RIN2: variants seen among roughly 807,000 people sequenced by gnomAD.
RIN2 encodes Ras and Rab interactor 2.
In RIN2, 36 loss-of-function variants were observed where a neutral mutation model predicts 78.0. That is an observed-to-expected ratio of 0.46 (90% CI 0.35 to 0.61). The LOEUF (loss-of-function observed/expected upper bound fraction) is 0.61. Among genes scored for constraint, RIN2 ranks in the 20% least tolerant of loss-of-function variants. The pLI is 0.00. For missense variants in RIN2, 1,087 were observed against 1,159.7 expected (o/e 0.94, Z 0.91); for synonymous variants, 466 against 466.8 (o/e 1.00, Z 0.02).
chr20:19,974,961 G>A lies in RIN2; in HGVS notation c.936G>A (p.Pro312=). Residue 312 remains proline (P), a synonymous_variant, in exon 9 of 13, where the codon CCG becomes CCA. Coordinates refer to ENST00000255006, the MANE Select transcript of RIN2 (RefSeq NM_018993.4). Reference sequence around the variant, plus strand: ...CTCGGTCCCCCCCACCCAGGCCCCCGCCACCCGCTATTAATAGTCTCCACA... The same window carrying A: ...CTCGGTCCCCCCCACCCAGGCCCCCACCACCCGCTATTAATAGTCTCCACA... ...ERTRSPPPRP[P]PPAINSLHTS... 7 of 476,100 alleles carry A rather than the reference G, an allele frequency of 1.5e-5. No homozygotes were observed. The highest frequency in any genetic ancestry group is 2.2e-5 in the Non-Finnish European group (7 of 315,062). The allele number at this position is 476,100 out of a possible 1,614,324, so 29.5% of individuals were successfully genotyped here. A position where few individuals can be genotyped will look rare whatever the true frequency, so the allele number is the denominator to read the frequency against.
intron 4 of RIN2, among the ~76,000 whole-genome samples, chr20:19,939,054 T>C (rs1464660919): frequency 6.6e-6 from 1 of 152,210 alleles, no homozygotes; most frequent in Non-Finnish European, 1.5e-5. Flanking sequence ...ACCTTTTATT[T>C]TTCTTTGAGA....
intron 2 of RIN2, among the ~76,000 whole-genome samples, chr20:19,871,558 C>T (rs1378657826): frequency 6.6e-6 from 1 of 152,192 alleles, no homozygotes; most frequent in Non-Finnish European, 1.5e-5. Flanking sequence ...TTTCCTCTTC[C>T]TCAGACTGCC....
At chr20:19,914,036 A>G (rs1486212040) in intron 3 of RIN2, among the ~76,000 whole-genome samples, 1 of 152,212 alleles carries the variant, frequency 6.6e-6, no homozygotes, top group Admixed American at 6.5e-5. Context: ...TTGAATCTGA[A>G]TTTTGTGAAA....
chr20:19,973,454 G>C (rs2042169298), intron 8 of RIN2, among the ~76,000 whole-genome samples: 1 of 152,178 alleles, frequency 6.6e-6, no homozygotes, highest in African/African-American at 2.4e-5. Context: ...CTGGGCCCAT[G>C]GGAAAGAAAG....
rs2041720318 is a variant in RIN2, at chr20:19,960,810, C to T, written c.462C>T (p.Tyr154=). ...AATTTGCCATAAAGGAAAGCACATA[C>T]AGTAAGTGGTCATTGGATGCTCAGG... is the stretch of plus-strand genomic sequence containing the variant. The part of the protein sequence containing the change: ...LKEFAIKEST[Y]TFSLEGSGIS... The change falls in exon 6 of 13, where the codon TAC becomes TAT. Residue 154 remains tyrosine (Y), a splice_region_variant and synonymous_variant. Transcript: ENST00000255006. 1.3e-6 allele frequency: 2 copies of T among 1,576,116 alleles called. No individual in the cohort carries two copies. The highest frequency in any genetic ancestry group is 1.2e-5 in the South Asian group (1 of 86,412).
At chr20:19,999,129 C>T (rs2281357) in intron 12 of RIN2, among the ~76,000 whole-genome samples, 1 of 152,010 alleles carries the variant, frequency 6.6e-6, no homozygotes, top group East Asian at 1.9e-4. Flanking sequence ...GAGGTCTTCT[C>T]ACATGGGAAG....
chr20:19,892,567 CTTCT>C (rs1349503485), intron 3 of RIN2, among the ~76,000 whole-genome samples: 1 of 113,896 alleles, frequency 8.8e-6, no homozygotes, highest in Non-Finnish European at 1.8e-5. Context: ...TTACTTTATA[CTTCT>C]TTCTTTCCTC....
chr20:19,922,905 C>T (rs557087110), intron 3 of RIN2, among the ~76,000 whole-genome samples: 3 of 152,328 alleles, frequency 2.0e-5, no homozygotes, highest in African/African-American at 7.2e-5. Flanking sequence ...TCAGCCCTCC[C>T]CCCACCAGCA....
chr20:19,908,502 A>AAAAAAG (rs1555788671), intron 3 of RIN2, among the ~76,000 whole-genome samples: 3 of 151,168 alleles, frequency 2.0e-5, no homozygotes, highest in African/African-American at 7.4e-5. Context: ...AAAAAAAAAA[A>AAAAAAG]AAAGAAAGAA....
intron 2 of RIN2, among the ~76,000 whole-genome samples, chr20:19,842,285 C>T (rs910936092): frequency 1.0e-4 from 15 of 148,942 alleles, no homozygotes; most frequent in African/African-American, 3.4e-4. Flanking sequence ...TGTAGTGGTG[C>T]GATCTTGGCT....
In RIN2 at chr20:19,829,221, T is replaced by C. The variant is rs575240006; in HGVS notation, c.-37+29474T>C. On this transcript the variant is annotated intron_variant, in intron 2 of 12. Transcript: ENST00000255006. ...AGCATTTTCCTGGCAGATCTACTCA[T>C]GACAGACATCCCAGGAAGACAGAAG... Among the ~76,000 whole-genome samples, 8 of 152,278 alleles carry C rather than the reference T, an allele frequency of 5.3e-5. No individual in the cohort carries two copies. In the South Asian group the frequency reaches 1.7e-3, roughly 32 times the overall value.
At chr20:19,910,988 C>T (rs991381401) in intron 3 of RIN2, among the ~76,000 whole-genome samples, 1 of 152,164 alleles carries the variant, frequency 6.6e-6, no homozygotes, top group Non-Finnish European at 1.5e-5. Flanking sequence ...CATTTCACTG[C>T]CCTTGCTCTG....
At chr20:19,932,662 A>C (rs1362693122) in intron 3 of RIN2, among the ~76,000 whole-genome samples, 2 of 152,078 alleles carry the variant, frequency 1.3e-5, no homozygotes, top group African/African-American at 4.8e-5. Flanking sequence ...GTCCAGAGCT[A>C]TCTGCTGGGC....
At chr20:19,808,471 G>GC (rs2035481964) in intron 2 of RIN2, among the ~76,000 whole-genome samples, 2 of 152,348 alleles carry the variant, frequency 1.3e-5, no homozygotes, top group Admixed American at 6.5e-5. Context: ...GCTCGGGTCT[G>GC]CCATGAGCTC....
chr20:19,845,348 C>T (rs1313515136), intron 2 of RIN2, among the ~76,000 whole-genome samples: 1 of 152,198 alleles, frequency 6.6e-6, no homozygotes, highest in Non-Finnish European at 1.5e-5. Context: ...ACACTCCCAC[C>T]AACAGTGTAA....
intron 9 of RIN2, among the ~76,000 whole-genome samples, chr20:19,983,920 T>G (rs2042542735): frequency 6.6e-6 from 1 of 152,156 alleles, no homozygotes. Context: ...AGGGTACATG[T>G]GTGCAACGTG....
rs181053723 is a variant in RIN2, at chr20:19,847,476, G to A, written c.-36-42090G>A. Among the ~76,000 whole-genome samples, 5 of 152,312 alleles carry A rather than the reference G, an allele frequency of 3.3e-5. No individual in the cohort carries two copies. The East Asian group carries it at 9.7e-4, about 29-fold the overall frequency. ...TAAAAGGGAGGTGCCTAGACTGGCA[G>A]TGGGCTCAACAAGAGGGTAGAGGTG... On this transcript the variant is annotated intron_variant, in intron 2 of 12. Transcript: ENST00000255006.
At chr20:19,865,864 A>G (rs769057850) in intron 2 of RIN2, among the ~76,000 whole-genome samples, 3 of 152,128 alleles carry the variant, frequency 2.0e-5, no homozygotes, top group Non-Finnish European at 4.4e-5. Flanking sequence ...ATAAAGGTGC[A>G]TTTGCATACA....
chr20:19,974,770 G>GT lies in RIN2; in HGVS notation c.746dup (p.His250AlafsTer24). ...GCGTCAGCTCTGCCTTATAAATGGA[G>GT]TGCATTCTATCAAAACCAGGACGCC... On this transcript the variant is annotated frameshift_variant, in exon 9 of 13. Coordinates refer to ENST00000255006, the MANE Select transcript of RIN2 (RefSeq NM_018993.4). LOFTEE classifies it high-confidence loss of function. 6.2e-7 allele frequency: 1 copy of GT among 1,614,000 alleles called. No individual in the cohort carries two copies. Among genetic ancestry groups the GT allele is most frequent in the Non-Finnish European group, 8.5e-7 (1 of 1,179,902 alleles).
Sources: gnomAD v4.1 joint callset for allele counts (sites outside exome capture counted in the v4.1 genomes callset) on GRCh38, gnomAD v4.1.1 for gene constraint, MANE v1.5 for transcripts, NCBI Gene and HGNC (gene_info 2026-07-23, HGNC 2026-07-21) for gene names.